The following MOB3A variants were observed in gnomAD, a reference collection of about 807,000 sequenced individuals.
MOB3A encodes MOB kinase activator 3A.
A neutral mutation model predicts 17.8 loss-of-function variants in MOB3A; 17 were observed. The ratio of observed to expected loss-of-function variants is 0.95; its 90% CI spans 0.65 to 1.43. MOB3A has a LOEUF of 1.43. Ranked by LOEUF, MOB3A falls within the 40% of genes most tolerant of loss-of-function variation. The pLI, the probability that MOB3A is intolerant of heterozygous loss-of-function variation, is 0.00. For missense variants in MOB3A, 333 were observed against 310.8 expected (o/e 1.07, Z -0.54); for synonymous variants, 124 against 133.2 (o/e 0.93, Z 0.48).
chr19:2,079,836 C>G (rs1456820579), intron 2 of MOB3A, among the ~76,000 whole-genome samples: 1 of 152,218 alleles, frequency 6.6e-6, no homozygotes, highest in Non-Finnish European at 1.5e-5. Flanking sequence ...CACCCCAAGG[C>G]ACCGTATAAA....
intron 1 of MOB3A, among the ~76,000 whole-genome samples, chr19:2,089,917 G>A (rs529608590): frequency 6.6e-6 from 1 of 151,744 alleles, no homozygotes; most frequent in South Asian, 2.1e-4. Flanking sequence ...CCCTCCTCTA[G>A]TTGTGACAAA....
In MOB3A at chr19:2,078,527, T is replaced by C. The variant is rs2017447055; in HGVS notation, c.34A>G (p.Lys12Glu). ...SNPFLKQVFN[K>E]DKTFRPKRKF... ...CGCTTGGGGCGGAATGTCTTGTCCTTGTTGAAGACTTGCTTCAGGAAGGGG... is the reference window on the plus strand; with the variant it reads ...CGCTTGGGGCGGAATGTCTTGTCCTCGTTGAAGACTTGCTTCAGGAAGGGG... The change falls in exon 3 of 5, where the codon AAG (lysine) becomes GAG (glutamate). Residue 12 changes from lysine (K) to glutamate (E), a missense_variant. By Grantham distance (56) the Lys-to-Glu change is moderately conservative. Transcript: ENST00000357066. The C allele has an allele frequency of 1.3e-6, 2 of 1,589,084 alleles. No homozygotes were observed. Among genetic ancestry groups the C allele is most frequent in the South Asian group, 1.1e-5 (1 of 88,496 alleles).
chr19:2,076,960 G>A lies in MOB3A; in HGVS notation c.475C>T (p.Leu159=). 1.2e-6 allele frequency: 2 copies of A among 1,613,942 alleles called. No homozygotes were observed. Among genetic ancestry groups the A allele is most frequent in the Non-Finnish European group, 1.7e-6 (2 of 1,180,026 alleles). The stretch of plus-strand genomic sequence containing the variant: ...TAGACGTGCACGAACACGCGGAACA[G>A]CCGCGACAGGATCTTCCGCACCGTC... ...LQTVRKILSR[L]FRVFVHVYIH... Residue 159 remains leucine, a synonymous_variant, in exon 4 of 5, where the codon CTG becomes TTG. Coordinates refer to ENST00000357066, the MANE Select transcript of MOB3A (RefSeq NM_130807.3).
chr19:2,095,718 G>A (rs746375106), intron 1 of MOB3A, among the ~76,000 whole-genome samples: 11 of 151,102 alleles, frequency 7.3e-5, no homozygotes, highest in South Asian at 6.3e-4. Context: ...CTTCCCTGCC[G>A]CCTGAGTTCG....
intron 1 of MOB3A, among the ~76,000 whole-genome samples, chr19:2,085,986 A>G (rs2017549185): frequency 1.3e-5 from 2 of 149,944 alleles, no homozygotes; most frequent in South Asian, 2.1e-4. Flanking sequence ...AAAAAAAAAA[A>G]GGCAGCATCC....
chr19:2,083,112 G>C (rs1465755519), intron 2 of MOB3A, among the ~76,000 whole-genome samples: 1 of 152,242 alleles, frequency 6.6e-6, no homozygotes, highest in Non-Finnish European at 1.5e-5. Flanking sequence ...CTCTCAAGGG[G>C]CTGAGATCAC....
chr19:2,079,991 G>T (rs990190591), intron 2 of MOB3A, among the ~76,000 whole-genome samples: 2 of 152,224 alleles, frequency 1.3e-5, no homozygotes, highest in Admixed American at 6.5e-5. Context: ...AGTCCATCCC[G>T]CACAGGGCGG....
rs2017334636 is a variant in MOB3A, at chr19:2,071,399, CAG to C, written c.*1994_*1995del. On this transcript the variant is annotated 3_prime_UTR_variant, in exon 5 of 5. Coordinates refer to ENST00000357066, the MANE Select transcript of MOB3A (RefSeq NM_130807.3). ...TGGGAGTTTCAGGCTTCGGCAGTAACAGTGTGTTAATTGCACTTGTTCGATTT... is the reference window on the plus strand; with the variant it reads ...TGGGAGTTTCAGGCTTCGGCAGTAACTGTGTTAATTGCACTTGTTCGATTT... The C allele has an allele frequency of 6.6e-6, 1 of 152,250 alleles. No individual in the cohort carries two copies. The highest frequency in any genetic ancestry group is 1.5e-5 in the Non-Finnish European group (1 of 68,048). 9.4% of individuals were successfully genotyped at this position (152,250 alleles called of 1,614,324 possible).
chr19:2,089,774 T>G (rs1238614664), intron 1 of MOB3A, among the ~76,000 whole-genome samples: 1 of 151,912 alleles, frequency 6.6e-6, no homozygotes, highest in African/African-American at 2.4e-5. Flanking sequence ...GACTTGATTT[T>G]TTTTTCCCAA....
In MOB3A at chr19:2,095,087, C is replaced by T. The variant is rs1040727586; in HGVS notation, c.-274+1139G>A. The stretch of plus-strand genomic sequence containing the variant: ...TCAGGAGGCTGAGGCAGGAGGATCA[C>T]TTGCACCCGGGAGGCAGAGTTTGCA... On this transcript the variant is annotated intron_variant, in intron 1 of 4. Coordinates refer to ENST00000357066, the MANE Select transcript of MOB3A (RefSeq NM_130807.3). Among the ~76,000 whole-genome samples, 5 of 152,340 alleles carry T rather than the reference C, an allele frequency of 3.3e-5. No individual in the cohort carries two copies. The East Asian group carries it at 9.6e-4, about 29-fold the overall frequency.
chr19:2,086,715 C>T (rs910264334), intron 1 of MOB3A, among the ~76,000 whole-genome samples: 2 of 152,202 alleles, frequency 1.3e-5, no homozygotes, highest in Non-Finnish European at 2.9e-5. Context: ...CACCCTCACT[C>T]CTGCTGGAGG....
intron 2 of MOB3A, among the ~76,000 whole-genome samples, chr19:2,081,839 G>A (rs1172394743): frequency 6.6e-5 from 10 of 151,988 alleles, no homozygotes; most frequent in African/African-American, 1.7e-4. Flanking sequence ...AGCCAAGGTC[G>A]GGCCTCTGTA....
chr19:2,088,470 AT>A (rs991116179), intron 1 of MOB3A, among the ~76,000 whole-genome samples: 6 of 150,166 alleles, frequency 4.0e-5, no homozygotes, highest in Non-Finnish European at 3.0e-5. Flanking sequence ...TAATTTTTCT[AT>A]TTTTTTTCTT....
At chr19:2,084,582 GT>G (rs1012892220) in intron 2 of MOB3A, among the ~76,000 whole-genome samples, 5 of 149,622 alleles carry the variant, frequency 3.3e-5, no homozygotes, top group East Asian at 3.9e-4. Flanking sequence ...ACAGCAGACG[GT>G]TTTTTTTTTC....
chr19:2,078,568 A>T lies in MOB3A; in HGVS notation c.-8T>A. ...CAGGAAGGGGTTGGACATCTTGGTG[A>T]CGCCTGCTCTCCTGGACTTCTGTAG... On this transcript the variant is annotated 5_prime_UTR_variant, in exon 3 of 5. Coordinates refer to ENST00000357066, the MANE Select transcript of MOB3A (RefSeq NM_130807.3). 8 of 1,556,438 alleles carry T rather than the reference A, an allele frequency of 5.1e-6. No homozygotes were observed. Among genetic ancestry groups the T allele is most frequent in the Non-Finnish European group, 7.0e-6 (8 of 1,147,336 alleles).
At chr19:2,074,599 C>T (rs905506164) in intron 4 of MOB3A, among the ~76,000 whole-genome samples, 5 of 151,604 alleles carry the variant, frequency 3.3e-5, no homozygotes, top group African/African-American at 7.3e-5. Flanking sequence ...GTCATTCAGG[C>T]TGGAGAGCTG....
intron 2 of MOB3A, among the ~76,000 whole-genome samples, chr19:2,079,878 C>T (rs912504660): frequency 2.6e-5 from 4 of 152,248 alleles, no homozygotes; most frequent in African/African-American, 9.6e-5. Flanking sequence ...GCCCAAGTCT[C>T]ATGCACGCCT....
chr19:2,081,444 C>T (rs1259750674), intron 2 of MOB3A, among the ~76,000 whole-genome samples: 1 of 151,906 alleles, frequency 6.6e-6, no homozygotes, highest in Non-Finnish European at 1.5e-5. Flanking sequence ...AAAAATTAGC[C>T]AGACATGGTG....
At chr19:2,090,912 T>C (rs2017607105) in intron 1 of MOB3A, among the ~76,000 whole-genome samples, 1 of 152,232 alleles carries the variant, frequency 6.6e-6, no homozygotes, top group Non-Finnish European at 1.5e-5. Context: ...TCCGCCCACC[T>C]TGGCCTCCCA....
Sources: gnomAD v4.1 joint callset for allele counts (sites outside exome capture counted in the v4.1 genomes callset) on GRCh38, gnomAD v4.1.1 for gene constraint, MANE v1.5 for transcripts, NCBI Gene and HGNC (gene_info 2026-07-23, HGNC 2026-07-21) for gene names.